The following MTUS2 variants were observed in gnomAD, a reference collection of about 807,000 sequenced individuals.
MTUS2 encodes microtubule-associated tumor suppressor candidate 2.
A neutral mutation model predicts 114.1 loss-of-function variants in MTUS2; 40 were observed. That is an observed-to-expected ratio of 0.35 (90% CI 0.27 to 0.46). The LOEUF (loss-of-function observed/expected upper bound fraction) is 0.46. MTUS2 is among the 20% of genes least tolerant of loss of function. The probability of loss-of-function intolerance (pLI) is 1.00; values close to 1 mark genes in which losing one functional copy is unlikely to be tolerated. For synonymous variants in MTUS2, 688 were observed against 672.0 expected (o/e 1.02, Z -0.37); for missense variants, 1,679 against 1,705.4 (o/e 0.98, Z 0.27).
At chr13:29,389,090 C>A (rs148096607) in intron 8 of MTUS2, among the ~76,000 whole-genome samples, 313 of 151,828 alleles carry the variant, frequency 2.1e-3, no homozygotes, top group African/African-American at 7.0e-3. Context: ...ATACTTGATG[C>A]CTTTATTCTC....
At chr13:29,197,268 T>G (rs1894742998) in intron 5 of MTUS2, among the ~76,000 whole-genome samples, 1 of 152,156 alleles carries the variant, frequency 6.6e-6, no homozygotes, top group African/African-American at 2.4e-5. Flanking sequence ...CCCCTCCCTT[T>G]GTCCATGTGT....
chr13:29,277,597 T>A (rs1898112315), intron 5 of MTUS2, among the ~76,000 whole-genome samples: 1 of 152,172 alleles, frequency 6.6e-6, no homozygotes, highest in Non-Finnish European at 1.5e-5. Flanking sequence ...AACTCAGAAA[T>A]GGAGCCTCAC....
chr13:29,077,027 T>G (rs1032357442), intron 4 of MTUS2, among the ~76,000 whole-genome samples: 3 of 152,242 alleles, frequency 2.0e-5, no homozygotes, highest in Admixed American at 1.3e-4. Flanking sequence ...TCCTCATTTT[T>G]CATGTGAGAA....
At chr13:29,063,110 T>A (rs1050485048) in intron 4 of MTUS2, among the ~76,000 whole-genome samples, 4 of 152,216 alleles carry the variant, frequency 2.6e-5, no homozygotes, top group African/African-American at 9.6e-5. Flanking sequence ...TCGTGTATTT[T>A]AAAAATTTGT....
At chr13:29,211,313 T>G (rs185979316) in intron 5 of MTUS2, among the ~76,000 whole-genome samples, 219 of 152,350 alleles carry the variant, frequency 1.4e-3, no homozygotes, top group African/African-American at 5.0e-3. Flanking sequence ...CCAGTCTCAC[T>G]CCCACCATGT....
Position 28,950,775 on chromosome 13 carries a change from G to C in MTUS2, c.-242-73682G>C, listed in dbSNP as rs186056642. On this transcript the variant is annotated intron_variant, in intron 2 of 15. Transcript: ENST00000612955. ...TCTCTGATCACAGATCACTGTAACAGATATATTAATAATGAAAAAGTTTGA... is the reference window on the plus strand; with the variant it reads ...TCTCTGATCACAGATCACTGTAACACATATATTAATAATGAAAAAGTTTGA... Among the ~76,000 whole-genome samples the C allele has an allele frequency of 1.1e-3, 162 of 152,232 alleles. 1 individual carries two copies. The highest frequency in any genetic ancestry group is 3.5e-3 in the African/African-American group (145 of 41,524).
chr13:29,396,917 A>C (rs1873951108), intron 8 of MTUS2, among the ~76,000 whole-genome samples: 1 of 152,216 alleles, frequency 6.6e-6, no homozygotes, highest in Admixed American at 6.5e-5. Context: ...AATAAAAGAC[A>C]GTCTTTCTCT....
chr13:29,299,902 A>G (rs564124317), intron 6 of MTUS2, among the ~76,000 whole-genome samples: 2 of 152,296 alleles, frequency 1.3e-5, no homozygotes, highest in East Asian at 1.9e-4. Context: ...CAGCAGTTTA[A>G]TTAGTCTCTA....
At chr13:29,132,028 C>T (rs1212640700) in intron 5 of MTUS2, among the ~76,000 whole-genome samples, 5 of 152,194 alleles carry the variant, frequency 3.3e-5, no homozygotes, top group African/African-American at 4.8e-5. Flanking sequence ...TAAATGACCT[C>T]CCAAGATGAC....
At chr13:29,274,925 G>C (rs1278789054) in intron 5 of MTUS2, among the ~76,000 whole-genome samples, 1 of 152,022 alleles carries the variant, frequency 6.6e-6, no homozygotes, top group African/African-American at 2.4e-5. Flanking sequence ...TGTAGAGACA[G>C]GGTCTCACTA....
chr13:29,473,139 A>G (rs1039961930), intron 9 of MTUS2, among the ~76,000 whole-genome samples: 1 of 152,132 alleles, frequency 6.6e-6, no homozygotes, highest in Non-Finnish European at 1.5e-5. Context: ...GTGTGTATAT[A>G]TAATGGTAAC....
intron 5 of MTUS2, among the ~76,000 whole-genome samples, chr13:29,101,806 C>T (rs186562307): frequency 5.9e-5 from 9 of 152,210 alleles, no homozygotes; most frequent in South Asian, 4.2e-4. Context: ...TGGAATAATT[C>T]GAAAGAGAGA....
At chr13:29,228,384 G>T (rs1489380353) in intron 5 of MTUS2, among the ~76,000 whole-genome samples, 1 of 152,202 alleles carries the variant, frequency 6.6e-6, no homozygotes, top group Non-Finnish European at 1.5e-5. Context: ...ACAGTGACGT[G>T]ACCATAGCTC....
intron 1 of MTUS2, among the ~76,000 whole-genome samples, chr13:28,822,728 A>G (rs1335931877): frequency 2.0e-5 from 3 of 151,878 alleles, no homozygotes; most frequent in East Asian, 3.9e-4. Flanking sequence ...CTCTTTCTAT[A>G]TTCCCACCCC....
In MTUS2 at chr13:29,071,409, A is replaced by ATTTTTTTTTTTTTT. The variant is rs751020009; in HGVS notation, c.2447-29343_2447-29330dup. Among the ~76,000 whole-genome samples the ATTTTTTTTTTTTTT allele has an allele frequency of 5.6e-4, 26 of 46,144 alleles. 4 individuals carry two copies. Among genetic ancestry groups the ATTTTTTTTTTTTTT allele is most frequent in the South Asian group, 2.3e-3 (2 of 852 alleles). The allele number at this position is 46,144 out of a possible 152,430, so 30.3% of individuals were successfully genotyped here. A position where few individuals can be genotyped will look rare whatever the true frequency, so the allele number is the denominator to read the frequency against. ...TTTAAAAGATCTCTATGTTGCTTGA[A>ATTTTTTTTTTTTTT]TTTTTTTTTTTTTTTTTTTTTTTTT... On this transcript the variant is annotated intron_variant, in intron 4 of 15. Transcript: ENST00000612955.
chr13:29,100,876 G>A lies in MTUS2; in HGVS notation c.2550G>A (p.Ala850=), dbSNP rs751469080. 1.1e-5 allele frequency: 17 copies of A among 1,560,738 alleles called. No homozygotes were observed. Among genetic ancestry groups the A allele is most frequent in the South Asian group, 3.5e-5 (3 of 84,600 alleles). The change falls in exon 5 of 16, where the codon GCG becomes GCA. Residue 850 remains alanine (A), a synonymous_variant. Transcript: ENST00000612955. ...CACGTCTCCCGGCAGCCAAACTGGC[G>A]GCATTTGGCTTTGTCCGGAGCTCCA... ...GYSRLPAAKL[A]AFGFVRSSSV...
intron 4 of MTUS2, among the ~76,000 whole-genome samples, chr13:29,038,738 G>C (rs1474883580): frequency 5.3e-5 from 8 of 152,242 alleles, no homozygotes; most frequent in Admixed American, 5.2e-4. Context: ...GAGATGCCCT[G>C]CCCAGACGGG....
chr13:28,928,743 C>G (rs1881460418), intron 2 of MTUS2, among the ~76,000 whole-genome samples: 1 of 152,096 alleles, frequency 6.6e-6, no homozygotes, highest in South Asian at 2.1e-4. Context: ...ATATCCAAAA[C>G]AAAGGAAATC....
chr13:28,977,617 A>G (rs909325728), intron 2 of MTUS2, among the ~76,000 whole-genome samples: 1 of 152,224 alleles, frequency 6.6e-6, no homozygotes, highest in African/African-American at 2.4e-5. Context: ...CTTCACATGT[A>G]CATCAATCAT....
Sources: allele counts gnomAD v4.1 joint callset (sites outside exome capture counted in the v4.1 genomes callset), GRCh38; gene constraint gnomAD v4.1.1; transcripts MANE v1.5; gene names NCBI Gene and HGNC (gene_info 2026-07-23, HGNC 2026-07-21).